The following BPNT2 variants were observed in gnomAD, a reference collection of about 807,000 sequenced individuals.
BPNT2 encodes the protein Golgi-resident adenosine 3',5'-bisphosphate 3'-phosphatase.
A neutral mutation model predicts 29.3 loss-of-function variants in BPNT2; 11 were observed. The ratio of observed to expected loss-of-function variants is 0.38; its 90% CI spans 0.24 to 0.62. The LOEUF is 0.62. Among genes scored for constraint, BPNT2 ranks in the 20% least tolerant of loss-of-function variants. The pLI is 0.62. For synonymous variants in BPNT2, 195 were observed against 187.7 expected (o/e 1.04, Z -0.32); for missense variants, 459 against 473.4 (o/e 0.97, Z 0.28).
At chr8:56,976,203 G>T (rs1806130324) in intron 3 of BPNT2, among the ~76,000 whole-genome samples, 1 of 152,128 alleles carries the variant, frequency 6.6e-6, no homozygotes, top group Non-Finnish European at 1.5e-5. Context: ...GAAGTGGTGA[G>T]CCATCCTCAG....
chr8:56,970,898 TGAA>T (rs1394060044), intron 3 of BPNT2, among the ~76,000 whole-genome samples: 2 of 151,900 alleles, frequency 1.3e-5, no homozygotes, highest in Admixed American at 6.6e-5. Flanking sequence ...TAAAAAAAAA[TGAA>T]GAGAACAAAA....
At chr8:56,965,333 C>A (rs1805923404) in intron 4 of BPNT2, among the ~76,000 whole-genome samples, 2 of 152,060 alleles carry the variant, frequency 1.3e-5, no homozygotes, top group Non-Finnish European at 2.9e-5. Context: ...AAAGAAAAAA[C>A]AAAACAAAAC....
At chr8:56,976,737 C>T (rs1169012487) in intron 3 of BPNT2, among the ~76,000 whole-genome samples, 1 of 152,126 alleles carries the variant, frequency 6.6e-6, no homozygotes, top group African/African-American at 2.4e-5. Flanking sequence ...CTTTCCATTT[C>T]TCCCCACTTC....
At chr8:56,966,597 C>G (rs867844493) in intron 3 of BPNT2, among the ~76,000 whole-genome samples, 36 of 152,156 alleles carry the variant, frequency 2.4e-4, no homozygotes, top group African/African-American at 7.2e-4. Flanking sequence ...TAACCAAAGA[C>G]AACGACTATT....
intron 3 of BPNT2, among the ~76,000 whole-genome samples, chr8:56,975,627 T>C (rs1806119170): frequency 6.6e-6 from 1 of 152,170 alleles, no homozygotes; most frequent in Non-Finnish European, 1.5e-5. Flanking sequence ...TTTGAACTTA[T>C]GGTTTCATGA....
rs766665323 is a variant in BPNT2, at chr8:56,978,102, T to G, written c.594A>C (p.Val198=). Residue 198 remains valine, a synonymous_variant, in exon 3 of 5, where the codon GTA becomes GTC. Transcript: ENST00000262644. ...KYVTTMVCVA[V]NGKPMLGVIH... is the part of the protein sequence containing the mutation. ...TAACTCCTAGCATGGGTTTACCATT[T>G]ACAGCCACACACACCATAGTAGTGA... is the stretch of plus-strand genomic sequence containing the variant. 2.4e-5 allele frequency: 38 copies of G among 1,612,568 alleles called. No homozygotes were observed. The highest frequency in any genetic ancestry group is 3.2e-5 in the Non-Finnish European group (38 of 1,179,002).
rs200351601 is a variant in BPNT2 at position 56,966,177 on chromosome 8, G to A, written c.808+14C>T. ...GGAACATTCTCCAGGGACCACACAG[G>A]AAGAGGAACATACCAGCACCACCAG... On this transcript the variant is annotated intron_variant, in intron 4 of 4. Transcript: ENST00000262644. The A allele has an allele frequency of 1.5e-4, 247 of 1,613,766 alleles. No homozygotes were observed. Among genetic ancestry groups the A allele is most frequent in the Middle Eastern group, 4.9e-4 (3 of 6,084 alleles).
chr8:56,972,699 A>G (rs1303811964), intron 3 of BPNT2, among the ~76,000 whole-genome samples: 1 of 152,122 alleles, frequency 6.6e-6, no homozygotes, highest in Admixed American at 6.5e-5. Context: ...AATTTTAGAA[A>G]GAGGTCTGGT....
intron 3 of BPNT2, among the ~76,000 whole-genome samples, chr8:56,975,331 C>T (rs1806114397): frequency 6.6e-6 from 1 of 152,146 alleles, no homozygotes; most frequent in African/African-American, 2.4e-5. Flanking sequence ...CTTCTTGAAC[C>T]ACTGTAATCA....
rs1156350664 is a variant in BPNT2 at position 56,959,174 on chromosome 8, T to C, written c.*4619A>G. 1.3e-5 allele frequency: 2 copies of C among 152,232 alleles called. No individual in the cohort carries two copies. The highest frequency in any genetic ancestry group is 4.8e-5 in the African/African-American group (2 of 41,458). 9.4% of individuals were successfully genotyped at this position (152,232 alleles called of 1,614,324 possible). A position where few individuals can be genotyped will look rare whatever the true frequency, so the allele number is the denominator to read the frequency against. On this transcript the variant is annotated 3_prime_UTR_variant, in exon 5 of 5. Coordinates refer to ENST00000262644, the MANE Select transcript of BPNT2 (RefSeq NM_017813.5). ...TACAATATATAACAAGTCATTTCAA[T>C]ATTATTCATCATCCTTAACTTCTGA...
chr8:56,967,106 T>C (rs2129203633), intron 3 of BPNT2: 1 of 455,892 alleles, frequency 2.2e-6, no homozygotes, highest in African/African-American at 2.0e-5. Flanking sequence ...GAGAACAAAC[T>C]TACTCAGAAT....
chr8:56,986,040 T>C (rs1347320468), intron 1 of BPNT2, among the ~76,000 whole-genome samples: 2 of 152,228 alleles, frequency 1.3e-5, no homozygotes, highest in Non-Finnish European at 2.9e-5. Flanking sequence ...GGAGGACAAC[T>C]GCTTTGGAGA....
rs1046176282 is a variant in BPNT2, at chr8:56,964,164, G to C, written c.809-100C>G. The C allele has an allele frequency of 1.4e-4, 113 of 824,770 alleles. No individual in the cohort carries two copies. In the African/African-American group the frequency reaches 1.7e-3, roughly 12 times the overall value. 51.1% of individuals were successfully genotyped at this position (824,770 alleles called of 1,614,324 possible). ...TCCTGTTAAAATAGCAGGATGGAGT[G>C]TGCAGGAGCTTGCTGCAGTCTCTGC... On this transcript the variant is annotated intron_variant, in intron 4 of 4. Transcript: ENST00000262644.
chr8:56,978,762 A>T (rs1429292452), intron 2 of BPNT2, among the ~76,000 whole-genome samples: 1 of 152,170 alleles, frequency 6.6e-6, no homozygotes, highest in Non-Finnish European at 1.5e-5. Flanking sequence ...ATGGAGCTGG[A>T]GGCCATTATC....
chr8:56,958,049 T>C lies in BPNT2; in HGVS notation c.*5744A>G, dbSNP rs1271809957. 2 of 152,056 alleles carry C rather than the reference T, an allele frequency of 1.3e-5. No individual in the cohort carries two copies. Among genetic ancestry groups the C allele is most frequent in the Non-Finnish European group, 2.9e-5 (2 of 68,014 alleles). 9.4% of individuals were successfully genotyped at this position (152,056 alleles called of 1,614,324 possible). A position where few individuals can be genotyped will look rare whatever the true frequency, so the allele number is the denominator to read the frequency against. On this transcript the variant is annotated 3_prime_UTR_variant, in exon 5 of 5. Transcript: ENST00000262644. ...AGCAATCACATTATCTACAGCAAATTGCCTGGGGTAGTATCTGAAGGAAAG... is the reference window on the plus strand; with the variant it reads ...AGCAATCACATTATCTACAGCAAATCGCCTGGGGTAGTATCTGAAGGAAAG...
intron 1 of BPNT2, among the ~76,000 whole-genome samples, chr8:56,991,945 T>A (rs961287283): frequency 1.3e-5 from 2 of 152,150 alleles, no homozygotes; most frequent in African/African-American, 4.8e-5. Context: ...GGAAATATTC[T>A]GTGTTTTAAG....
rs751739178 is a variant in BPNT2, at chr8:56,964,025, C to T, written c.848G>A (p.Ser283Asn). The change falls in exon 5 of 5, where the codon AGT (serine) becomes AAT (asparagine). Residue 283 changes from serine (S) to asparagine (N), a missense_variant. Coordinates refer to ENST00000262644, the MANE Select transcript of BPNT2 (RefSeq NM_017813.5). ...VLALLDVPDK[S>N]QEKADLYIHV... Reference sequence around the variant, plus strand: ...GATGTATAAATCAGCTTTTTCTTGACTCTTATCAGGCACATCCAAAAGTGC... The same window carrying T: ...GATGTATAAATCAGCTTTTTCTTGATTCTTATCAGGCACATCCAAAAGTGC... The T allele has an allele frequency of 5.0e-6, 8 of 1,606,144 alleles. No individual in the cohort carries two copies. The highest frequency in any genetic ancestry group is 3.3e-4 in the Middle Eastern group (2 of 6,058).
rs1055000047 is a variant in BPNT2, at chr8:56,964,744, A to G, written c.809-680T>C. Among the ~76,000 whole-genome samples the G allele has an allele frequency of 5.3e-5, 8 of 152,234 alleles. No individual in the cohort carries two copies. In the East Asian group the frequency reaches 1.3e-3, roughly 26 times the overall value. On this transcript the variant is annotated intron_variant, in intron 4 of 4. Transcript: ENST00000262644. ...TTCTATGGAATGACATATTATACAC[A>G]CAAGTTTTACCTAAACATCTAAGTA...
Position 56,966,183 on chromosome 8 carries a change from G to C in BPNT2, c.808+8C>G. 3.7e-6 allele frequency: 6 copies of C among 1,613,928 alleles called. No homozygotes were observed. Among genetic ancestry groups the C allele is most frequent in the Non-Finnish European group, 4.2e-6 (5 of 1,179,834 alleles). On this transcript the variant is annotated splice_region_variant and intron_variant, in intron 4 of 4. Coordinates refer to ENST00000262644, the MANE Select transcript of BPNT2 (RefSeq NM_017813.5). ...TTCTCCAGGGACCACACAGGAAGAG[G>C]AACATACCAGCACCACCAGCTGGGA... is the stretch of plus-strand genomic sequence containing the variant.
Sources: allele counts gnomAD v4.1 joint callset (sites outside exome capture counted in the v4.1 genomes callset), GRCh38; gene constraint gnomAD v4.1.1; transcripts MANE v1.5; gene names NCBI Gene and HGNC (gene_info 2026-07-23, HGNC 2026-07-21).